Variants in AHCYL2 observed in about 807,000 individuals in gnomAD.
The protein encoded by AHCYL2 is S-adenosylhomocysteine hydrolase-like protein 2.
In AHCYL2, 28 loss-of-function variants were observed where a neutral mutation model predicts 81.4. That is an observed-to-expected ratio of 0.34 (90% confidence interval 0.25 to 0.47). The LOEUF (loss-of-function observed/expected upper bound fraction) is 0.47, where lower values mean the gene tolerates loss of function less well. Among genes scored for constraint, AHCYL2 ranks in the 20% least tolerant of loss-of-function variants. The pLI, the probability that AHCYL2 is intolerant of heterozygous loss-of-function variation, is 1.00. For synonymous variants in AHCYL2, 272 were observed against 290.2 expected, an observed-to-expected ratio of 0.94 and a Z score of 0.64; for missense variants, 551 against 785.1, an observed-to-expected ratio of 0.70 and a Z score of 3.56.
At chr7:129,408,891 A>T (rs1250483073) in intron 10 of AHCYL2, among the ~76,000 whole-genome samples, 5 of 152,128 alleles carry the variant, frequency 3.3e-5, no homozygotes, top group Non-Finnish European at 7.4e-5. Flanking sequence ...ATAATGTTTA[A>T]TGTAGTAGAA....
At chr7:129,286,193 G>A (rs978638981) in intron 1 of AHCYL2, among the ~76,000 whole-genome samples, 1 of 151,956 alleles carries the variant, frequency 6.6e-6, no homozygotes, top group Non-Finnish European at 1.5e-5. Flanking sequence ...TAGAATTATA[G>A]GTGTTTTAGA....
intron 1 of AHCYL2, among the ~76,000 whole-genome samples, chr7:129,237,241 T>G (rs1794672838): frequency 6.6e-6 from 1 of 152,180 alleles, no homozygotes; most frequent in African/African-American, 2.4e-5. Context: ...ATTTATTATA[T>G]TTTGGTCTTC....
At chr7:129,318,297 GT>G (rs1296099334) in intron 1 of AHCYL2, among the ~76,000 whole-genome samples, 4 of 152,148 alleles carry the variant, frequency 2.6e-5, no homozygotes, top group African/African-American at 4.8e-5. Flanking sequence ...GTCTTGCTAT[GT>G]TGCCATGGCT....
intron 12 of AHCYL2, among the ~76,000 whole-genome samples, chr7:129,418,491 G>C (rs1210460557): frequency 6.6e-6 from 1 of 152,010 alleles, no homozygotes; most frequent in Non-Finnish European, 1.5e-5. Context: ...AGTAGAGTCG[G>C]GGTTTCACCA....
At chr7:129,311,046 T>G (rs961061951) in intron 1 of AHCYL2, among the ~76,000 whole-genome samples, 39 of 151,016 alleles carry the variant, frequency 2.6e-4, no homozygotes, top group African/African-American at 9.3e-4. Flanking sequence ...AAACAGAGGT[T>G]GTAGTGAGCC....
At chr7:129,346,990 T>C (rs1426990157) in intron 1 of AHCYL2, among the ~76,000 whole-genome samples, 1 of 152,148 alleles carries the variant, frequency 6.6e-6, no homozygotes, top group Non-Finnish European at 1.5e-5. Flanking sequence ...TGAAAACATA[T>C]GATAGAAGCT....
At position 129,279,371 on chromosome 7, in the gene AHCYL2, A is replaced by G. The variant is rs370764692; in HGVS notation, c.363+53932A>G. Among the ~76,000 whole-genome samples the G allele has an allele frequency of 1.5e-4, 22 of 151,688 alleles. No individual in the cohort carries two copies. The East Asian group carries it at 1.6e-3, about 11-fold the overall frequency. On this transcript the variant is annotated intron_variant, in intron 1 of 16. Coordinates refer to ENST00000325006, the MANE Select transcript of AHCYL2 (RefSeq NM_015328.4). ...GCCATGTTGGCCAGGCTGGTCTCAC[A>G]CTCCCAACCTCAGGTGATCCCCCCA...
intron 1 of AHCYL2, among the ~76,000 whole-genome samples, chr7:129,299,662 G>T (rs753938634): frequency 5.3e-5 from 8 of 152,046 alleles, no homozygotes; most frequent in Non-Finnish European, 1.0e-4. Flanking sequence ...CAAAGTGCTG[G>T]GATTACAGGC....
intron 1 of AHCYL2, among the ~76,000 whole-genome samples, chr7:129,371,545 A>G (rs1389947847): frequency 6.6e-6 from 1 of 152,090 alleles, no homozygotes; most frequent in Non-Finnish European, 1.5e-5. Context: ...CATGTGAAGG[A>G]TTTTCTTAGC....
chr7:129,274,807 G>T (rs1182477799), intron 1 of AHCYL2, among the ~76,000 whole-genome samples: 1 of 152,156 alleles, frequency 6.6e-6, no homozygotes, highest in East Asian at 1.9e-4. Context: ...TCAACTGTCA[G>T]CCTTAGGAGT....
At chr7:129,390,405 C>CTGGAG (rs1189329642) in intron 4 of AHCYL2, among the ~76,000 whole-genome samples, 5 of 152,100 alleles carry the variant, frequency 3.3e-5, no homozygotes, top group African/African-American at 1.2e-4. Context: ...TGGAATAAAT[C>CTGGAG]CCCTGAGGAT....
intron 2 of AHCYL2, among the ~76,000 whole-genome samples, chr7:129,380,788 G>A (rs976932153): frequency 1.1e-4 from 17 of 152,126 alleles, no homozygotes; most frequent in African/African-American, 3.9e-4. Context: ...CACCCAGGCA[G>A]GAGTGCAAGT....
At chr7:129,383,903 A>T (rs1432766684) in intron 2 of AHCYL2, among the ~76,000 whole-genome samples, 1 of 152,028 alleles carries the variant, frequency 6.6e-6, no homozygotes, top group African/African-American at 2.4e-5. Flanking sequence ...TATCCTGGCT[A>T]CTCTTTTAAA....
At chr7:129,351,000 G>A (rs1470479583) in intron 1 of AHCYL2, among the ~76,000 whole-genome samples, 2 of 151,974 alleles carry the variant, frequency 1.3e-5, no homozygotes, top group African/African-American at 2.4e-5. Context: ...CACCGCGCCC[G>A]GCCCCGGCCT....
intron 10 of AHCYL2, among the ~76,000 whole-genome samples, chr7:129,409,099 A>C (rs9690544): frequency 0.2 from 30,404 of 151,658 alleles, 3,904 homozygotes; most frequent in Non-Finnish European, 0.28. Context: ...AAAAAAAAAA[A>C]ACACACACAG....
intron 1 of AHCYL2, among the ~76,000 whole-genome samples, chr7:129,325,920 G>A (rs1414693592): frequency 6.6e-6 from 1 of 151,994 alleles, no homozygotes; most frequent in Non-Finnish European, 1.5e-5. Flanking sequence ...GGCTAGGTTG[G>A]CCTCAAACTC....
chr7:129,315,710 G>C (rs578218013), intron 1 of AHCYL2, among the ~76,000 whole-genome samples: 1 of 152,280 alleles, frequency 6.6e-6, no homozygotes, highest in African/African-American at 2.4e-5. Flanking sequence ...TTGAACCAAA[G>C]GGACTGTGGA....
At chr7:129,225,814 G>T (rs1794194984) in intron 1 of AHCYL2, among the ~76,000 whole-genome samples, 1 of 152,164 alleles carries the variant, frequency 6.6e-6, no homozygotes, top group Admixed American at 6.5e-5. Context: ...TACCGCTCAC[G>T]GGAGTTCACA....
In AHCYL2 at chr7:129,409,543, A is replaced by G. The variant is rs1796464063; in HGVS notation, c.1363A>G (p.Thr455Ala). 1.9e-6 allele frequency: 3 copies of G among 1,611,516 alleles called. No individual in the cohort carries two copies. Among genetic ancestry groups the G allele is most frequent in the Non-Finnish European group, 2.5e-6 (3 of 1,178,390 alleles). Reference sequence around the variant, plus strand: ...ACAAGTGGACATTGTTATTACCTGTACAGGTATGATAATGACATTTTAAAT... The same window carrying G: ...ACAAGTGGACATTGTTATTACCTGTGCAGGTATGATAATGACATTTTAAAT... ...IRQVDIVITC[T>A]GNKNVVTREH... is the part of the protein sequence containing the mutation. Residue 455 changes from threonine to alanine, a missense_variant, in exon 11 of 17, where the codon ACA (threonine) becomes GCA (alanine). Thr to Ala is a moderately conservative substitution (Grantham distance 58). This residue lies in a region of AHCYL2 where 316 missense variants were observed against 543.1 expected (regional missense o/e 0.58). Coordinates refer to ENST00000325006, the MANE Select transcript of AHCYL2 (RefSeq NM_015328.4).
Sources: allele counts gnomAD v4.1 joint callset (sites outside exome capture counted in the v4.1 genomes callset), GRCh38; gene constraint gnomAD v4.1.1; regional missense constraint gnomAD v4.1.1; transcripts MANE v1.5; gene names NCBI Gene and HGNC (gene_info 2026-07-23, HGNC 2026-07-21).